Variants in FAM110B observed in about 807,000 individuals in gnomAD.
FAM110B encodes family with sequence similarity 110 member B, also known as protein FAM110B.
FAM110B carries 6 observed loss-of-function variants against 20.4 expected under a neutral mutation model. The ratio of observed to expected loss-of-function variants is 0.29; its 90% CI spans 0.16 to 0.58. The LOEUF is 0.58. FAM110B is among the 20% of genes least tolerant of loss of function. The probability of loss-of-function intolerance (pLI) is 0.90; values close to 1 mark genes in which losing one functional copy is unlikely to be tolerated. For missense variants in FAM110B, 434 were observed against 498.2 expected (o/e 0.87, Z 1.23); for synonymous variants, 226 against 214.1 (o/e 1.06, Z -0.49).
chr8:58,088,498 G>A (rs541558371), intron 3 of FAM110B, among the ~76,000 whole-genome samples: 3 of 152,338 alleles, frequency 2.0e-5, no homozygotes, highest in African/African-American at 4.8e-5. Flanking sequence ...AGAGATTTGA[G>A]TAGAAGGATT....
At chr8:58,143,374 ACAT>A (rs1188288369) in intron 3 of FAM110B, among the ~76,000 whole-genome samples, 1 of 152,216 alleles carries the variant, frequency 6.6e-6, no homozygotes, top group Admixed American at 6.5e-5. Flanking sequence ...TCATGTCAAA[ACAT>A]CATCACTGTG....
Position 58,146,117 on chromosome 8 carries a change from C to A in FAM110B, c.-114C>A, listed in dbSNP as rs939272286. The stretch of plus-strand genomic sequence containing the variant: ...TGCTGCGGCCGCTGCTGCTGACACT[C>A]GCTCCCAGGCTGCACCCGCCGCCCT... On this transcript the variant is annotated 5_prime_UTR_variant, in exon 4 of 4. Coordinates refer to ENST00000519262, the MANE Select transcript of FAM110B (RefSeq NM_001377989.1). The A allele has an allele frequency of 4.5e-5, 57 of 1,264,284 alleles. No individual in the cohort carries two copies. The highest frequency in any genetic ancestry group is 5.7e-5 in the Non-Finnish European group (53 of 929,418). 78.3% of individuals were successfully genotyped at this position (1,264,284 alleles called of 1,614,324 possible).
chr8:58,106,249 A>G (rs1162652078), intron 3 of FAM110B: 4 of 152,214 alleles, frequency 2.6e-5, no homozygotes, highest in Non-Finnish European at 4.4e-5. Flanking sequence ...TGTAAATAGC[A>G]GGTGCTCATC....
intron 3 of FAM110B, among the ~76,000 whole-genome samples, chr8:58,093,728 C>G (rs1033432193): frequency 6.6e-6 from 1 of 152,086 alleles, no homozygotes; most frequent in Non-Finnish European, 1.5e-5. Flanking sequence ...CTTGGCTATG[C>G]GGGCTCTTTT....
intron 3 of FAM110B, among the ~76,000 whole-genome samples, chr8:58,080,281 T>G (rs1563362432): frequency 6.6e-6 from 1 of 152,040 alleles, no homozygotes; most frequent in East Asian, 1.9e-4. Context: ...GAAAGTAGAA[T>G]GGAAAGGTTA....
At chr8:58,091,466 A>T (rs188440791) in intron 3 of FAM110B, 16 of 152,150 alleles carry the variant, frequency 1.1e-4, no homozygotes, top group African/African-American at 3.9e-4. Flanking sequence ...TTGCAGCACA[A>T]CCCCATGAAG....
intron 3 of FAM110B, among the ~76,000 whole-genome samples, chr8:58,095,906 T>C (rs1352335176): frequency 1.3e-5 from 2 of 152,200 alleles, no homozygotes; most frequent in Non-Finnish European, 2.9e-5. Context: ...GGACTTGCTT[T>C]ATGAATCTGG....
At chr8:58,090,196 G>T (rs1432115767) in intron 3 of FAM110B, among the ~76,000 whole-genome samples, 1 of 152,200 alleles carries the variant, frequency 6.6e-6, no homozygotes, top group Non-Finnish European at 1.5e-5. Context: ...GTCTCGCTGT[G>T]TTACCCAGGC....
chr8:58,125,623 T>C (rs1348131301), intron 3 of FAM110B, among the ~76,000 whole-genome samples: 3 of 152,246 alleles, frequency 2.0e-5, no homozygotes, highest in African/African-American at 7.2e-5. Flanking sequence ...TTCTGATTTT[T>C]AGGCCAAAGT....
chr8:58,110,615 GC>G (rs1807035729), intron 3 of FAM110B, among the ~76,000 whole-genome samples: 2 of 152,166 alleles, frequency 1.3e-5, no homozygotes, highest in Non-Finnish European at 2.9e-5. Context: ...GTAAATCAGA[GC>G]CCTTGGCTAA....
At chr8:58,089,475 C>T (rs999734345) in intron 3 of FAM110B, among the ~76,000 whole-genome samples, 1 of 152,206 alleles carries the variant, frequency 6.6e-6, no homozygotes, top group Non-Finnish European at 1.5e-5. Flanking sequence ...TTACCTTCTA[C>T]ACCCAAGGGC....
chr8:58,123,156 CT>C (rs879341356), intron 3 of FAM110B, among the ~76,000 whole-genome samples: 1 of 152,176 alleles, frequency 6.6e-6, no homozygotes, highest in Non-Finnish European at 1.5e-5. Flanking sequence ...CAAGGACCCC[CT>C]GGATGCTGGC....
intron 1 of FAM110B, among the ~76,000 whole-genome samples, chr8:57,996,868 A>C (rs80310761): frequency 0.012 from 1,827 of 152,344 alleles, 30 homozygotes; most frequent in African/African-American, 0.041. Flanking sequence ...ATGCTTTAAA[A>C]TATTTTAGAG....
chr8:58,006,901 G>GTA (rs761091750), intron 1 of FAM110B, among the ~76,000 whole-genome samples: 4,088 of 97,510 alleles, frequency 0.042, 325 homozygotes, highest in African/African-American at 0.1. Flanking sequence ...GGCTTAATTG[G>GTA]TATATATATA....
At chr8:58,047,835 C>T in intron 2 of FAM110B, among the ~76,000 whole-genome samples, 1 of 151,860 alleles carries the variant, frequency 6.6e-6, no homozygotes, top group Non-Finnish European at 1.5e-5. Flanking sequence ...TAAAAAATAG[C>T]TTCTTTATGT....
At chr8:58,004,407 C>T (rs1284282594) in intron 1 of FAM110B, among the ~76,000 whole-genome samples, 1 of 152,234 alleles carries the variant, frequency 6.6e-6, no homozygotes, top group African/African-American at 2.4e-5. Context: ...GCACTTGCTG[C>T]TTCACCTTGC....
chr8:58,136,303 C>CA (rs1229515072), intron 3 of FAM110B, among the ~76,000 whole-genome samples: 3 of 152,050 alleles, frequency 2.0e-5, no homozygotes, highest in Non-Finnish European at 4.4e-5. Context: ...AGCCACCGTG[C>CA]CCCGGCCCAG....
rs1316257643 is a variant in FAM110B, at chr8:58,147,912, T to C, written c.*569T>C. ...CTCTTGCCACTTAGTGAAGCAGTCA[T>C]TGGGGTAACAATGCTACGTTTTGTG... On this transcript the variant is annotated 3_prime_UTR_variant, in exon 4 of 4. Transcript: ENST00000519262. 5.9e-6 allele frequency: 1 copy of C among 169,854 alleles called. No individual in the cohort carries two copies. The highest frequency in any genetic ancestry group is 1.4e-5 in the Non-Finnish European group (1 of 70,046). The allele number at this position is 169,854 out of a possible 1,614,324, so 10.5% of individuals were successfully genotyped here.
chr8:58,087,057 A>AGT (rs1214437172), intron 3 of FAM110B, among the ~76,000 whole-genome samples: 2 of 152,216 alleles, frequency 1.3e-5, no homozygotes, highest in East Asian at 3.8e-4. Context: ...AGTCTTGCCA[A>AGT]GTGTCCAGTG....
Sources: allele counts gnomAD v4.1 joint callset (sites outside exome capture counted in the v4.1 genomes callset), GRCh38; gene constraint gnomAD v4.1.1; transcripts MANE v1.5; gene names NCBI Gene and HGNC (gene_info 2026-07-23, HGNC 2026-07-21).